The following RGS9 variants were observed in gnomAD, a reference collection of about 807,000 sequenced individuals.
RGS9 encodes regulator of G-protein signalling 9.
A neutral mutation model predicts 102.0 loss-of-function variants in RGS9; 78 were observed. The ratio of observed to expected loss-of-function variants is 0.76; its 90% CI spans 0.64 to 0.92. The LOEUF (loss-of-function observed/expected upper bound fraction) is 0.92. RGS9 is among the 40% of genes least tolerant of loss of function. The probability of loss-of-function intolerance (pLI) is 0.00; values close to 1 mark genes in which losing one functional copy is unlikely to be tolerated. For synonymous variants in RGS9, 353 were observed against 318.6 expected (o/e 1.11, Z -1.15); for missense variants, 833 against 866.1 (o/e 0.96, Z 0.48).
At chr17:65,214,513 T>G (rs1913417393) in intron 17 of RGS9, among the ~76,000 whole-genome samples, 1 of 152,042 alleles carries the variant, frequency 6.6e-6, no homozygotes, top group African/African-American at 2.4e-5. Context: ...ATGATAAGGT[T>G]TTTGGAGGAG....
At chr17:65,177,358 C>A (rs1466493405) in intron 8 of RGS9, among the ~76,000 whole-genome samples, 3 of 151,672 alleles carry the variant, frequency 2.0e-5, no homozygotes, top group Non-Finnish European at 4.4e-5. Context: ...CTCACCCACC[C>A]ATCAACCATC....
intron 7 of RGS9, among the ~76,000 whole-genome samples, chr17:65,164,445 C>T (rs1437882798): frequency 6.6e-6 from 1 of 152,146 alleles, no homozygotes; most frequent in African/African-American, 2.4e-5. Flanking sequence ...CATCTGGTGA[C>T]CCGCACCAGT....
At position 65,160,290 on chromosome 17, in the gene RGS9, A is replaced by T. The variant is rs771370997; in HGVS notation, c.263A>T (p.Asp88Val). The change falls in exon 4 of 19, where the codon GAC (aspartate) becomes GTC (valine). Residue 88 changes from aspartate to valine, a missense_variant. Coordinates refer to ENST00000262406, the MANE Select transcript of RGS9 (RefSeq NM_003835.4). Reference sequence around the variant, plus strand: ...TATGGCTACATTTACCCCCTGCAAGACCCCAAGAATCTCATTCTCAAGCCT... The same window carrying T: ...TATGGCTACATTTACCCCCTGCAAGTCCCCAAGAATCTCATTCTCAAGCCT... ...VRYGYIYPLQ[D>V]PKNLILKPDG... The T allele has an allele frequency of 1.2e-6, 2 of 1,614,170 alleles. No homozygotes were observed. The highest frequency in any genetic ancestry group is 1.1e-5 in the South Asian group (1 of 91,082).
chr17:65,187,474 G>A (rs921614514), intron 9 of RGS9, among the ~76,000 whole-genome samples: 2 of 152,198 alleles, frequency 1.3e-5, no homozygotes, highest in African/African-American at 2.4e-5. Flanking sequence ...TGATAGAAGA[G>A]CAATCCGGGG....
chr17:65,197,962 C>T (rs370821383), intron 13 of RGS9, among the ~76,000 whole-genome samples: 2 of 152,192 alleles, frequency 1.3e-5, no homozygotes, highest in Non-Finnish European at 2.9e-5. Flanking sequence ...TGAGCCACTG[C>T]GCCTGGCTTC....
intron 1 of RGS9, among the ~76,000 whole-genome samples, chr17:65,146,706 A>C (rs533735814): frequency 4.7e-4 from 71 of 151,562 alleles, no homozygotes; most frequent in African/African-American, 1.7e-3. Flanking sequence ...ACCAGCCTGG[A>C]CAACATGGTG....
At chr17:65,153,575 G>A (rs1251410531) in intron 2 of RGS9, 57 bp downstream of exon 2, 2 of 1,339,806 alleles carry the variant, frequency 1.5e-6, no homozygotes, top group East Asian at 2.3e-5. Flanking sequence ...GCCCAATACG[G>A]CCCACCTCCT....
Position 65,160,337 on chromosome 17 carries a change from C to T in RGS9, c.310C>T (p.Gln104Ter), listed in dbSNP as rs1017448105. 1.9e-6 allele frequency: 3 copies of T among 1,612,310 alleles called. No homozygotes were observed. In the African/African-American group the frequency reaches 4.0e-5, roughly 22 times the overall value. ...GCCTGATGGCAGCCTCTACAGATTT[C>T]AGGTGAGTCTTGGCCTTGACCCTGG... ...LKPDGSLYRF[Q>*]TPYFWPTQQW... is the part of the protein sequence containing the mutation. Residue 104 changes from glutamine (Q) to a stop codon, truncating the protein, a stop_gained and splice_region_variant, in exon 4 of 19, where the codon CAG (glutamine) becomes TAG (stop). Coordinates refer to ENST00000262406, the MANE Select transcript of RGS9 (RefSeq NM_003835.4). LOFTEE classifies it high-confidence loss of function.
intron 13 of RGS9, among the ~76,000 whole-genome samples, chr17:65,201,611 T>C (rs2144090851): frequency 6.6e-6 from 1 of 152,272 alleles, no homozygotes; most frequent in East Asian, 1.9e-4. Flanking sequence ...AATTCTAGAA[T>C]AAAAAAGAGT....
At chr17:65,186,558 T>G (rs1912133453) in intron 9 of RGS9, among the ~76,000 whole-genome samples, 1 of 152,170 alleles carries the variant, frequency 6.6e-6, no homozygotes, top group Non-Finnish European at 1.5e-5. Flanking sequence ...TGTAGCACTC[T>G]CAGCTTCAGG....
rs769452609 is a variant in RGS9 at position 65,153,489 on chromosome 17, T to A, written c.125T>A (p.Leu42Gln). ...GTCCGAATGCAGAACCAGAGGGTCC[T>A]GGTCACCAGCGTTCCTCATGCCATG... is the stretch of plus-strand genomic sequence containing the variant. ...TGVRMQNQRV[L>Q]VTSVPHAMTG... Residue 42 changes from leucine to glutamine, a missense_variant, in exon 2 of 19, where the codon CTG becomes CAG. Transcript: ENST00000262406. 1.1e-5 allele frequency: 18 copies of A among 1,614,224 alleles called. No homozygotes were observed. The South Asian group carries it at 1.6e-4, about 15-fold the overall frequency.
chr17:65,224,971 C>A lies in RGS9; in HGVS notation c.1408-31C>A, dbSNP rs551332536. ...CTGCTGGCTGGGGCCATGCAACTCACCACTGAGCTCTCTCCTTTCCTTCTC... is the reference window on the plus strand; with the variant it reads ...CTGCTGGCTGGGGCCATGCAACTCAACACTGAGCTCTCTCCTTTCCTTCTC... On this transcript the variant is annotated intron_variant, in intron 17 of 18. Transcript: ENST00000262406. 3 of 1,612,314 alleles carry A rather than the reference C, an allele frequency of 1.9e-6. No individual in the cohort carries two copies. The African/African-American group carries it at 4.0e-5, about 21-fold the overall frequency.
At position 65,227,426 on chromosome 17, in the gene RGS9, C is replaced by G; in HGVS notation, c.*19C>G. Reference sequence around the variant, plus strand: ...CCTGTAAGGAAAGAGGCAGGCTGAGCTGGGGGCTCTGGACCAGGAAGATGC... The same window carrying G: ...CCTGTAAGGAAAGAGGCAGGCTGAGGTGGGGGCTCTGGACCAGGAAGATGC... On this transcript the variant is annotated 3_prime_UTR_variant, in exon 19 of 19. Coordinates refer to ENST00000262406, the MANE Select transcript of RGS9 (RefSeq NM_003835.4). The G allele has an allele frequency of 6.2e-7, 1 of 1,605,618 alleles. No individual in the cohort carries two copies. Among genetic ancestry groups the G allele is most frequent in the South Asian group, 1.1e-5 (1 of 90,242 alleles).
At chr17:65,180,565 G>A (rs1305339732) in intron 9 of RGS9, among the ~76,000 whole-genome samples, 1 of 152,120 alleles carries the variant, frequency 6.6e-6, no homozygotes, top group East Asian at 1.9e-4. Flanking sequence ...GGCCAGGCTG[G>A]TCTTGAACTC....
intron 8 of RGS9, among the ~76,000 whole-genome samples, chr17:65,175,190 CGTGT>C (rs1911579142): frequency 6.6e-6 from 1 of 150,592 alleles, no homozygotes. Context: ...TGTGAGCATG[CGTGT>C]GTGAGTGTGC....
At chr17:65,214,887 C>T (rs1468905717) in intron 17 of RGS9, among the ~76,000 whole-genome samples, 1 of 152,208 alleles carries the variant, frequency 6.6e-6, no homozygotes, top group Non-Finnish European at 1.5e-5. Context: ...CCCATCCACC[C>T]CTGGCTGATT....
chr17:65,177,886 T>A, intron 9 of RGS9, 83 bp downstream of exon 9: 1 of 1,068,426 alleles, frequency 9.4e-7, no homozygotes. Flanking sequence ...TTCGTGTCTG[T>A]TAGGGCAACG....
chr17:65,222,515 G>A (rs1333006645), intron 17 of RGS9, among the ~76,000 whole-genome samples: 2 of 152,204 alleles, frequency 1.3e-5, no homozygotes, highest in South Asian at 2.1e-4. Flanking sequence ...CTGGTAAAGG[G>A]TAATGAGCCC....
intron 1 of RGS9, among the ~76,000 whole-genome samples, chr17:65,148,033 A>T (rs1344330650): frequency 6.6e-6 from 1 of 152,174 alleles, no homozygotes; most frequent in African/African-American, 2.4e-5. Flanking sequence ...CATCTCATTT[A>T]ACTGAAAGTT....
Sources: gnomAD v4.1 joint callset for allele counts (sites outside exome capture counted in the v4.1 genomes callset) on GRCh38, gnomAD v4.1.1 for gene constraint, MANE v1.5 for transcripts, NCBI Gene and HGNC (gene_info 2026-07-23, HGNC 2026-07-21) for gene names.